Variants in SPRED1 observed in about 807,000 individuals in gnomAD.
SPRED1 encodes the protein sprouty related EVH1 domain containing 1.
SPRED1 carries 18 observed loss-of-function variants against 52.3 expected under a neutral mutation model. The observed-to-expected ratio is 0.34, with a 90% CI of 0.24 to 0.51. The LOEUF (loss-of-function observed/expected upper bound fraction) is 0.51, where lower values mean the gene tolerates loss of function less well. Ranked by LOEUF, SPRED1 falls within the 20% of genes least tolerant of loss-of-function variation. SPRED1 has a pLI of 0.97. For synonymous variants in SPRED1, 155 were observed against 179.7 expected (o/e 0.86, Z 1.10); for missense variants, 485 against 551.0 (o/e 0.88, Z 1.20).
At chr15:38,324,576 T>C (rs1895672359) in intron 3 of SPRED1, among the ~76,000 whole-genome samples, 187 bp from the exon 4 acceptor site, 1 of 152,132 alleles carries the variant, frequency 6.6e-6, no homozygotes. Flanking sequence ...AGGAGGGAAA[T>C]AATTACATTA....
intron 1 of SPRED1, among the ~76,000 whole-genome samples, chr15:38,280,005 A>T (rs573611532): frequency 3.3e-5 from 5 of 152,154 alleles, no homozygotes; most frequent in Non-Finnish European, 7.4e-5. Context: ...TTACAGTTGC[A>T]TGTGTCAGTC....
At chr15:38,293,118 T>TTTTTTTTTTTTTA (rs1595729912) in intron 1 of SPRED1, among the ~76,000 whole-genome samples, 6 of 146,082 alleles carry the variant, frequency 4.1e-5, no homozygotes, top group Admixed American at 6.8e-5. Flanking sequence ...TTTTTTTTTT[T>TTTTTTTTTTTTTA]GAGACGGAGT....
rs1158086031 is a variant in SPRED1 at position 38,353,976 on chromosome 15, A to G, written c.*2312A>G. The G allele has an allele frequency of 1.3e-5, 2 of 152,612 alleles. No homozygotes were observed. The highest frequency in any genetic ancestry group is 2.9e-5 in the Non-Finnish European group (2 of 68,010). 9.5% of individuals were successfully genotyped at this position (152,612 alleles called of 1,614,324 possible). On this transcript the variant is annotated 3_prime_UTR_variant, in exon 7 of 7. Coordinates refer to ENST00000299084, the MANE Select transcript of SPRED1 (RefSeq NM_152594.3). ...AATTTGTTTAACCACTTTGCTGCTA[A>G]GATTTTGCCGTCCCATTCCCATTTT...
chr15:38,261,409 T>C (rs1379283986), intron 1 of SPRED1, among the ~76,000 whole-genome samples: 2 of 152,194 alleles, frequency 1.3e-5, no homozygotes, highest in Admixed American at 6.5e-5. Flanking sequence ...AATTTCTGAA[T>C]TACCTTGCAA....
At chr15:38,322,552 A>G in intron 3 of SPRED1, 143 bp downstream of exon 3, 2 of 721,900 alleles carry the variant, frequency 2.8e-6, no homozygotes, top group Non-Finnish European at 2.3e-6. Context: ...AAACCTCACA[A>G]TAGATGAAGA....
At chr15:38,339,988 A>G in intron 5 of SPRED1, 93 bp downstream of exon 5, 1 of 1,494,370 alleles carries the variant, frequency 6.7e-7, no homozygotes, top group Non-Finnish European at 9.2e-7. Context: ...TCTGCCCTTT[A>G]CCAGACACAG....
chr15:38,297,020 C>T (rs1159868615), intron 1 of SPRED1, among the ~76,000 whole-genome samples: 2 of 152,186 alleles, frequency 1.3e-5, no homozygotes, highest in Non-Finnish European at 2.9e-5. Flanking sequence ...ATTCAAGGTG[C>T]ACCACCTTGG....
At chr15:38,287,589 C>G (rs1894836617) in intron 1 of SPRED1, among the ~76,000 whole-genome samples, 1 of 152,090 alleles carries the variant, frequency 6.6e-6, no homozygotes, top group Non-Finnish European at 1.5e-5. Context: ...CCTTTGCATT[C>G]ATATGTATGT....
At chr15:38,287,662 A>G (rs1312373348) in intron 1 of SPRED1, among the ~76,000 whole-genome samples, 1 of 152,180 alleles carries the variant, frequency 6.6e-6, no homozygotes, top group Non-Finnish European at 1.5e-5. Flanking sequence ...TTGCATCTTT[A>G]CTGAACATGT....
chr15:38,338,378 T>C (rs1895965177), intron 4 of SPRED1, among the ~76,000 whole-genome samples: 3 of 149,936 alleles, frequency 2.0e-5, no homozygotes, highest in Non-Finnish European at 4.4e-5. Flanking sequence ...TTTTCAGAAA[T>C]CTCTGGAACA....
intron 2 of SPRED1, among the ~76,000 whole-genome samples, chr15:38,301,670 T>G (rs1895151237): frequency 6.6e-6 from 1 of 152,130 alleles, no homozygotes; most frequent in African/African-American, 2.4e-5. Context: ...TGAAATGAGA[T>G]TAATTTGCAC....
chr15:38,254,879 G>A (rs781497659), intron 1 of SPRED1, among the ~76,000 whole-genome samples: 1 of 152,204 alleles, frequency 6.6e-6, no homozygotes, highest in Non-Finnish European at 1.5e-5. Flanking sequence ...GAGAAGAACT[G>A]CTAAAAATGC....
chr15:38,279,193 C>T (rs12148224), intron 1 of SPRED1, among the ~76,000 whole-genome samples: 118,042 of 152,116 alleles, frequency 0.78, 47,188 homozygotes, highest in Non-Finnish European at 0.87. Flanking sequence ...ATGTGGTACC[C>T]ACAAATACTA....
chr15:38,282,081 C>T (rs548165631), intron 1 of SPRED1, among the ~76,000 whole-genome samples: 1 of 152,180 alleles, frequency 6.6e-6, no homozygotes. Context: ...TGGACACCAG[C>T]ATCACTGAGT....
intron 1 of SPRED1, among the ~76,000 whole-genome samples, chr15:38,294,231 A>T (rs975160055): frequency 3.4e-4 from 51 of 152,178 alleles, no homozygotes; most frequent in African/African-American, 1.2e-3. Flanking sequence ...CTTAAAATAT[A>T]TAGAGAGCAA....
At chr15:38,338,299 T>TTG (rs1206973084) in intron 4 of SPRED1, among the ~76,000 whole-genome samples, 11 of 3,086 alleles carry the variant, frequency 3.6e-3, no homozygotes, top group Admixed American at 6.7e-3. Context: ...TTTTGTTTTG[T>TTG]TTTGTTTTTT....
chr15:38,325,505 G>A (rs1006845891), intron 4 of SPRED1, among the ~76,000 whole-genome samples: 2 of 151,948 alleles, frequency 1.3e-5, no homozygotes, highest in African/African-American at 4.8e-5. Flanking sequence ...TGGGTTGGCA[G>A]AATGGGCAGG....
chr15:38,334,533 T>C (rs1415242795), intron 4 of SPRED1, among the ~76,000 whole-genome samples: 1 of 152,118 alleles, frequency 6.6e-6, no homozygotes, highest in Non-Finnish European at 1.5e-5. Context: ...ATTGATAGTT[T>C]CTGGTATTTT....
At chr15:38,258,089 A>G (rs1894136822) in intron 1 of SPRED1, among the ~76,000 whole-genome samples, 1 of 152,204 alleles carries the variant, frequency 6.6e-6, no homozygotes, top group South Asian at 2.1e-4. Context: ...TAATGTACAA[A>G]ATGATCTCTA....
Sources: allele counts gnomAD v4.1 joint callset (sites outside exome capture counted in the v4.1 genomes callset), GRCh38; gene constraint gnomAD v4.1.1; transcripts MANE v1.5; gene names NCBI Gene and HGNC (gene_info 2026-07-23, HGNC 2026-07-21).